The following ZNF496 variants were observed in gnomAD, a reference collection of about 807,000 sequenced individuals.
The protein encoded by ZNF496 is NSD1 (nuclear receptor binding SET-domain containing 1)-interacting zinc finger protein 1.
In ZNF496, 11 loss-of-function variants were observed where a neutral mutation model predicts 58.9. The ratio of observed to expected loss-of-function variants is 0.19; its 90% CI spans 0.12 to 0.31. ZNF496 has a LOEUF of 0.31. ZNF496 is among the 10% of genes least tolerant of loss of function. The pLI, the probability that ZNF496 is intolerant of heterozygous loss-of-function variation, is 1.00. For synonymous variants in ZNF496, 338 were observed against 318.2 expected, an observed-to-expected ratio of 1.06 and a Z score of -0.66; for missense variants, 660 against 783.0, an observed-to-expected ratio of 0.84 and a Z score of 1.88.
At chr1:247,304,521 G>A (rs1659347324) in intron 9 of ZNF496, among the ~76,000 whole-genome samples, 1 of 152,108 alleles carries the variant, frequency 6.6e-6, no homozygotes, top group Non-Finnish European at 1.5e-5. Context: ...ACAGGTGTGT[G>A]CCACCACGTC....
intron 6 of ZNF496, chr1:247,311,100 G>A (rs1460365025): frequency 6.6e-6 from 1 of 152,484 alleles, no homozygotes; most frequent in Non-Finnish European, 1.5e-5. Context: ...CAAGTTATGT[G>A]CCTTCCAAAT....
chr1:247,300,908 C>T lies in ZNF496; in HGVS notation c.1375G>A (p.Ala459Thr), dbSNP rs772745140. ...GCACCACACCGGTAAGGCTTCTGGG[C>T]CTCGTGGCTCTCTAGGTGCCCATCC... ...DLDGHLESHE[A>T]QKPYRCGACG... The change falls in exon 10 of 10, where the codon GCC (alanine) becomes ACC (threonine). Residue 459 changes from alanine to threonine, a missense_variant. Coordinates refer to ENST00000682384, the MANE Select transcript of ZNF496 (RefSeq NM_032752.3). The surrounding 1 kb of genome is among the most constrained non-coding windows in gnomAD (Gnocchi z 5.7). 2.5e-6 allele frequency: 4 copies of T among 1,612,828 alleles called. No individual in the cohort carries two copies. The African/African-American group carries it at 5.3e-5, about 21-fold the overall frequency.
chr1:247,321,885 G>A (rs1432554515), intron 6 of ZNF496, among the ~76,000 whole-genome samples: 7 of 152,350 alleles, frequency 4.6e-5, no homozygotes, highest in South Asian at 4.1e-4. Context: ...GTAAACAGGC[G>A]TGTGCCACAT....
intron 2 of ZNF496, among the ~76,000 whole-genome samples, chr1:247,330,329 C>T (rs1248275752): frequency 3.9e-5 from 6 of 152,204 alleles, no homozygotes; most frequent in African/African-American, 1.4e-4. Flanking sequence ...GAGCCTTCTG[C>T]CAATTCTGCC....
Position 247,329,249 on chromosome 1 carries a change from T to C in ZNF496, c.330A>G (p.Gly110=). 2 of 1,613,596 alleles carry C rather than the reference T, an allele frequency of 1.2e-6. No homozygotes were observed. The highest frequency in any genetic ancestry group is 1.7e-6 in the Non-Finnish European group (2 of 1,180,010). The change falls in exon 4 of 10, where the codon GGA becomes GGG. Residue 110 remains glycine, a synonymous_variant. Transcript: ENST00000682384. The surrounding 1 kb of genome is among the most constrained non-coding windows in gnomAD (Gnocchi z 5.5). ...SWVRAQEPES[G]EQAVAAVEAL... is the part of the protein sequence containing the mutation. The stretch of plus-strand genomic sequence containing the variant: ...CCTCCACCGCGGCCACAGCCTGCTC[T>C]CCGCTCTCAGGCTCCTGCGCCCGCA...
chr1:247,316,135 G>GTGTGT (rs1553270763), intron 6 of ZNF496, among the ~76,000 whole-genome samples: 1 of 139,830 alleles, frequency 7.2e-6, no homozygotes, highest in Non-Finnish European at 1.5e-5. Flanking sequence ...CTGGGAGAGG[G>GTGTGT]GTGTGTGTGT....
At position 247,327,809 on chromosome 1, in the gene ZNF496, G is replaced by GT. The variant is rs201229138; in HGVS notation, c.574+873_574+874insA. ...CAAGTCCACCCAGAGTCATAAGAAAGCCCCCCTGGCCCCCCAGACACTCTC... is the reference window on the plus strand; with the variant it reads ...CAAGTCCACCCAGAGTCATAAGAAAGTCCCCCCTGGCCCCCCAGACACTCTC... On this transcript the variant is annotated intron_variant, in intron 5 of 9. Transcript: ENST00000682384. 1.4e-3 allele frequency among the ~76,000 whole-genome samples: 103 copies of GT among 76,064 alleles called. 1 individual carries two copies. Among genetic ancestry groups the GT allele is most frequent in the African/African-American group, 2.2e-3 (48 of 21,792 alleles). The allele number at this position is 76,064 out of a possible 152,430, so 49.9% of individuals were successfully genotyped here. A position where few individuals can be genotyped will look rare whatever the true frequency, so the allele number is the denominator to read the frequency against.
At chr1:247,319,283 C>T (rs1045860509) in intron 6 of ZNF496, among the ~76,000 whole-genome samples, 2 of 152,134 alleles carry the variant, frequency 1.3e-5, no homozygotes, top group African/African-American at 4.8e-5. Context: ...CCACGGTGCC[C>T]GAACAAAGGA....
intron 6 of ZNF496, chr1:247,312,851 CT>C (rs1659648368): frequency 1.3e-5 from 2 of 152,340 alleles, no homozygotes; most frequent in South Asian, 4.1e-4. Context: ...GGTTCCCAAG[CT>C]TCTTCCACGT....
At chr1:247,315,636 G>A (rs550602512) in intron 6 of ZNF496, among the ~76,000 whole-genome samples, 1 of 152,234 alleles carries the variant, frequency 6.6e-6, no homozygotes, top group East Asian at 1.9e-4. Flanking sequence ...ATGAGGGGGT[G>A]GGAGTGGGTA....
chr1:247,301,268 T>G lies in ZNF496; in HGVS notation c.1015A>C (p.Asn339His). Residue 339 changes from asparagine (N) to histidine (H), a missense_variant, in exon 10 of 10, where the codon AAC (asparagine) becomes CAC (histidine). Transcript: ENST00000682384. ...VPQNTYPAGG[N>H]PRSLENSLDE... ...AGGCTGTTCTCTAGAGATCGCGGGT[T>G]GCCGCCAGCTACAGGAAGGCAACAT... The G allele has an allele frequency of 6.6e-7, 1 of 1,510,406 alleles. No homozygotes were observed. Among genetic ancestry groups the G allele is most frequent in the South Asian group, 1.3e-5 (1 of 75,010 alleles). The allele number at this position is 1,510,406 out of a possible 1,614,324, so 93.6% of individuals were successfully genotyped here. A position where few individuals can be genotyped will look rare whatever the true frequency, so the allele number is the denominator to read the frequency against.
At chr1:247,313,196 C>G (rs1339213819) in intron 6 of ZNF496, 1 of 152,270 alleles carries the variant, frequency 6.6e-6, no homozygotes, top group Non-Finnish European at 1.5e-5. Context: ...TGCCCCACCT[C>G]TTAATGCCAG....
intron 6 of ZNF496, chr1:247,311,430 G>GACACACACACACAGAGACACACAC (rs1659598598): frequency 7.2e-6 from 1 of 139,480 alleles, no homozygotes; most frequent in Non-Finnish European, 1.5e-5. Context: ...CACACACAGA[G>GACACACACACACAGAGACACACAC]ACACACACAC....
intron 5 of ZNF496, among the ~76,000 whole-genome samples, chr1:247,327,504 G>C (rs1660168800): frequency 6.6e-6 from 1 of 152,222 alleles, no homozygotes; most frequent in Non-Finnish European, 1.5e-5. Context: ...TGAACTGTGA[G>C]AGAATACATT....
rs1340631067 is a variant in ZNF496, at chr1:247,309,785, T to C, written c.806A>G (p.Asp269Gly). ...CTCATTCTCCTCTCCCTGGGAGAGA[T>C]CTGGCTGGGCAGCTAGGTCGTCTGT... ...MPPNDLAAQP[D>G]LSQGEENEPR... The change falls in exon 8 of 10, where the codon GAT becomes GGT. Residue 269 changes from aspartate to glycine, a missense_variant. Transcript: ENST00000682384. This position sits in a 1 kb window ranked among gnomAD's most constrained non-coding sequence, Gnocchi z 4.3. 6.2e-7 allele frequency: 1 copy of C among 1,614,152 alleles called. No individual in the cohort carries two copies. The highest frequency in any genetic ancestry group is 1.3e-5 in the African/African-American group (1 of 75,020).
rs564737723 is a variant in ZNF496 at position 247,319,602 on chromosome 1, G to C, written c.651+3552C>G. 2.0e-5 allele frequency among the ~76,000 whole-genome samples: 3 copies of C among 152,184 alleles called. No homozygotes were observed. In the East Asian group the frequency reaches 5.8e-4, roughly 29 times the overall value. On this transcript the variant is annotated intron_variant, in intron 6 of 9. Coordinates refer to ENST00000682384, the MANE Select transcript of ZNF496 (RefSeq NM_032752.3). ...ATCAATCAAAACACAGTAACTGGCA[G>C]AGTAGATTAGAAAACATTATCCAAA...
rs1378446898 is a variant in ZNF496 at position 247,329,149 on chromosome 1, C to G, written c.390+40G>C. 1.9e-6 allele frequency: 3 copies of G among 1,612,832 alleles called. No individual in the cohort carries two copies. The highest frequency in any genetic ancestry group is 2.5e-6 in the Non-Finnish European group (3 of 1,179,908). Reference sequence around the variant, plus strand: ...ATGGCCCAGCCAAAGTGTCTAAGTACCAGATCTCTACCCGTCCCAGCCCCA... The same window carrying G: ...ATGGCCCAGCCAAAGTGTCTAAGTAGCAGATCTCTACCCGTCCCAGCCCCA... On this transcript the variant is annotated intron_variant, in intron 4 of 9. Transcript: ENST00000682384. The surrounding 1 kb of genome is among the most constrained non-coding windows in gnomAD (Gnocchi z 5.5).
At chr1:247,326,463 A>T (rs1444813245) in intron 5 of ZNF496, among the ~76,000 whole-genome samples, 1 of 152,108 alleles carries the variant, frequency 6.6e-6, no homozygotes. Flanking sequence ...CTTATCTCAG[A>T]ACTTTATCAA....
intron 5 of ZNF496, among the ~76,000 whole-genome samples, chr1:247,324,989 A>C (rs1482230174): frequency 6.6e-6 from 1 of 152,232 alleles, no homozygotes; most frequent in Non-Finnish European, 1.5e-5. Context: ...GCAGCCATGT[A>C]AAAATGAGCT....
Sources: gnomAD v4.1 joint callset for allele counts (sites outside exome capture counted in the v4.1 genomes callset) on GRCh38, gnomAD v4.1.1 for gene constraint, Gnocchi (gnomAD v3.1) non-coding constraint, MANE v1.5 for transcripts, NCBI Gene and HGNC (gene_info 2026-07-23, HGNC 2026-07-21) for gene names.